The following PDE4B variants were observed in gnomAD, a reference collection of about 807,000 sequenced individuals.
PDE4B encodes 3',5'-cyclic-AMP phosphodiesterase 4B.
PDE4B carries 20 observed loss-of-function variants against 82.2 expected under a neutral mutation model. The ratio of observed to expected loss-of-function variants is 0.24; its 90% CI spans 0.17 to 0.35. PDE4B has a LOEUF of 0.35. Ranked by LOEUF, PDE4B falls within the 10% of genes least tolerant of loss-of-function variation. The pLI, the probability that PDE4B is intolerant of heterozygous loss-of-function variation, is 1.00. For missense variants in PDE4B, 655 were observed against 907.2 expected (o/e 0.72, Z 3.57); for synonymous variants, 320 against 318.9 (o/e 1.00, Z -0.04).
intron 3 of PDE4B, among the ~76,000 whole-genome samples, chr1:66,115,703 G>A (rs894711731): frequency 3.3e-5 from 5 of 152,174 alleles, no homozygotes; most frequent in Admixed American, 6.5e-5. Flanking sequence ...TCAGATCATT[G>A]CACTGAAGAG....
chr1:66,114,658 CGGAGTCT>C (rs1645557094), intron 3 of PDE4B, among the ~76,000 whole-genome samples: 1 of 130,746 alleles, frequency 7.6e-6, no homozygotes, highest in African/African-American at 3.0e-5. Flanking sequence ...TTTTTTGAGA[CGGAGTCT>C]GGCTGTGACA....
intron 3 of PDE4B, among the ~76,000 whole-genome samples, chr1:66,025,880 A>C (rs1653407079): frequency 1.3e-5 from 2 of 152,240 alleles, no homozygotes; most frequent in Admixed American, 1.3e-4. Context: ...GAAAAATGTT[A>C]GAGTATTAAG....
intron 1 of PDE4B, among the ~76,000 whole-genome samples, chr1:65,818,053 CTCA>C (rs1645906354): frequency 6.6e-6 from 1 of 152,060 alleles, no homozygotes; most frequent in African/African-American, 2.4e-5. Context: ...TGATTTTGCC[CTCA>C]TCATGTCTAA....
chr1:66,206,299 CTG>C (rs1219400575), intron 3 of PDE4B, among the ~76,000 whole-genome samples: 2 of 152,156 alleles, frequency 1.3e-5, no homozygotes, highest in African/African-American at 4.8e-5. Context: ...CGGAAAGCTT[CTG>C]ATTCAGTGTC....
intron 3 of PDE4B, among the ~76,000 whole-genome samples, chr1:66,050,293 A>G (rs1240614567): frequency 6.6e-6 from 1 of 152,078 alleles, no homozygotes; most frequent in Non-Finnish European, 1.5e-5. Flanking sequence ...GGCCAGTGGC[A>G]GGAAGGAGGC....
At chr1:66,240,885 C>T (rs914559834) in intron 3 of PDE4B, among the ~76,000 whole-genome samples, 1 of 152,174 alleles carries the variant, frequency 6.6e-6, no homozygotes, top group Non-Finnish European at 1.5e-5. Flanking sequence ...GTGTGGGGGG[C>T]AGGATACAGG....
intron 3 of PDE4B, among the ~76,000 whole-genome samples, chr1:66,074,062 G>A (rs563317745): frequency 6.6e-6 from 1 of 152,158 alleles, no homozygotes; most frequent in South Asian, 2.1e-4. Context: ...TTCGATAGGT[G>A]GATAGCACCT....
At chr1:66,046,957 T>G (rs573719622) in intron 3 of PDE4B, among the ~76,000 whole-genome samples, 42 of 152,074 alleles carry the variant, frequency 2.8e-4, no homozygotes, top group African/African-American at 9.6e-4. Flanking sequence ...GATTTTTATC[T>G]ATTTGATGTC....
chr1:65,967,152 A>G (rs534309733), intron 3 of PDE4B, among the ~76,000 whole-genome samples: 6 of 152,224 alleles, frequency 3.9e-5, no homozygotes, highest in Non-Finnish European at 8.8e-5. Context: ...ACAAAAGGCT[A>G]ATATCCAGAA....
At chr1:66,203,857 A>G (rs1041549584) in intron 3 of PDE4B, among the ~76,000 whole-genome samples, 1 of 152,182 alleles carries the variant, frequency 6.6e-6, no homozygotes, top group African/African-American at 2.4e-5. Context: ...TTGTCAAGTC[A>G]TTCTCCGTCC....
intron 1 of PDE4B, among the ~76,000 whole-genome samples, chr1:65,860,825 G>T (rs1312717527): frequency 3.3e-5 from 5 of 152,052 alleles, no homozygotes; most frequent in African/African-American, 1.2e-4. Context: ...TCATATGTTT[G>T]TTGGCTGCAA....
intron 3 of PDE4B, among the ~76,000 whole-genome samples, chr1:65,950,081 G>A (rs1485509858): frequency 6.6e-6 from 1 of 152,048 alleles, no homozygotes; most frequent in Non-Finnish European, 1.5e-5. Context: ...AGGAGTTCCT[G>A]TTACTCTCAC....
intron 1 of PDE4B, among the ~76,000 whole-genome samples, chr1:65,892,925 C>T (rs1646868173): frequency 1.3e-5 from 2 of 151,806 alleles, no homozygotes; most frequent in Non-Finnish European, 2.9e-5. Context: ...CACAAATTTT[C>T]ATAAATTAAA....
chr1:66,174,755 G>T lies in PDE4B; in HGVS notation c.282-72705G>T, dbSNP rs1374813347. ...AGAGCCAGACTCCATCTCAAAAAAA[G>T]CAACAACAACAACAACAACAACAAC... On this transcript the variant is annotated intron_variant, in intron 3 of 16. Transcript: ENST00000341517. Among the ~76,000 whole-genome samples the T allele has an allele frequency of 4.0e-5, 6 of 149,084 alleles. No individual in the cohort carries two copies. The Admixed American group carries it at 4.0e-4, about 10-fold the overall frequency.
chr1:66,231,032 TAAAAA>T (rs11285418), intron 3 of PDE4B, among the ~76,000 whole-genome samples: 1 of 106,924 alleles, frequency 9.4e-6, no homozygotes, highest in African/African-American at 3.1e-5. Flanking sequence ...AGAATCTGTC[TAAAAA>T]AAAAAAAAAA....
intron 3 of PDE4B, among the ~76,000 whole-genome samples, chr1:66,026,080 C>T (rs1333337473): frequency 6.6e-6 from 1 of 152,134 alleles, no homozygotes; most frequent in East Asian, 1.9e-4. Flanking sequence ...TAAATATCTG[C>T]AACATTTGGG....
intron 7 of PDE4B, among the ~76,000 whole-genome samples, chr1:66,284,259 A>G (rs768128071): frequency 6.6e-6 from 1 of 152,196 alleles, no homozygotes; most frequent in African/African-American, 2.4e-5. Context: ...TTTAAAAATT[A>G]GTATTTCCCA....
intron 3 of PDE4B, among the ~76,000 whole-genome samples, chr1:66,189,163 C>T (rs926412033): frequency 1.3e-5 from 2 of 152,014 alleles, no homozygotes; most frequent in African/African-American, 4.8e-5. Context: ...ATATTGGCCC[C>T]CACTCTCTGC....
intron 7 of PDE4B, among the ~76,000 whole-genome samples, chr1:66,272,725 A>G (rs1655591193): frequency 8.3e-6 from 1 of 120,460 alleles, no homozygotes. Context: ...ACTTGTTATT[A>G]TTGTCCTCAT....
Sources: allele counts gnomAD v4.1 joint callset (sites outside exome capture counted in the v4.1 genomes callset), GRCh38; gene constraint gnomAD v4.1.1; transcripts MANE v1.5; gene names NCBI Gene and HGNC (gene_info 2026-07-23, HGNC 2026-07-21).